PCDHA9: variants seen among roughly 807,000 people sequenced by gnomAD.
The protein encoded by PCDHA9 is protocadherin alpha-9.
Under a neutral mutation model 62.0 loss-of-function variants are expected in PCDHA9, and 62 were observed. The observed-to-expected ratio is 1.00, with a 90% CI of 0.81 to 1.23. The LOEUF (loss-of-function observed/expected upper bound fraction) is 1.23, where lower values mean the gene tolerates loss of function less well. Among genes scored for constraint, PCDHA9 ranks in the 50% most tolerant of loss-of-function variants. The pLI, the probability that PCDHA9 is intolerant of heterozygous loss-of-function variation, is 0.00. For missense variants in PCDHA9, 1,205 were observed against 1,249.8 expected (o/e 0.96, Z 0.54); for synonymous variants, 557 against 567.6 (o/e 0.98, Z 0.27).
intron 1 of PCDHA9, chr5:140,884,300 G>C (rs2060088357): frequency 6.2e-7 from 1 of 1,613,712 alleles, no homozygotes; most frequent in Non-Finnish European, 8.5e-7. Context: ...AGCGCCACAG[G>C]CTTCGTCGAG....
rs1192658029 is a variant in PCDHA9 at position 141,011,915 on chromosome 5, A to G, written c.*1978A>G. On this transcript the variant is annotated 3_prime_UTR_variant, in exon 4 of 4. Coordinates refer to ENST00000532602, the MANE Select transcript of PCDHA9 (RefSeq NM_031857.2). Reference sequence around the variant, plus strand: ...ATATTATCTATTTAGGCATTAATATAAAAGAGGTAGGAGTCTGTTATTTAA... The same window carrying G: ...ATATTATCTATTTAGGCATTAATATGAAAGAGGTAGGAGTCTGTTATTTAA... 1 of 153,728 alleles carries G rather than the reference A, an allele frequency of 6.5e-6. No homozygotes were observed. Among genetic ancestry groups the G allele is most frequent in the Admixed American group, 6.5e-5 (1 of 15,286 alleles). 9.5% of individuals were successfully genotyped at this position (153,728 alleles called of 1,614,324 possible). A position where few individuals can be genotyped will look rare whatever the true frequency, so the allele number is the denominator to read the frequency against.
intron 1 of PCDHA9, among the ~76,000 whole-genome samples, chr5:140,921,089 T>C (rs2080011859): frequency 6.6e-6 from 1 of 151,966 alleles, no homozygotes; most frequent in African/African-American, 2.4e-5. Context: ...AAGAGAATCC[T>C]CCTGCCTCAG....
intron 2 of PCDHA9, among the ~76,000 whole-genome samples, chr5:140,980,905 A>G (rs182283088): frequency 1.5e-4 from 23 of 152,274 alleles, no homozygotes; most frequent in Admixed American, 1.4e-3. Context: ...ACATCATGTA[A>G]CTATTCTTTA....
intron 3 of PCDHA9, 162 bp downstream of exon 3, chr5:140,982,725 A>G (rs2096999365): frequency 1.1e-6 from 1 of 902,882 alleles, no homozygotes; most frequent in African/African-American, 1.8e-5. Flanking sequence ...GATTATTTTG[A>G]TTTTATACCT....
chr5:140,942,990 C>T (rs1460211642), intron 1 of PCDHA9, among the ~76,000 whole-genome samples: 4 of 151,892 alleles, frequency 2.6e-5, no homozygotes, highest in Non-Finnish European at 5.9e-5. Context: ...GGTGTGGTGG[C>T]TCATGCCTGT....
chr5:140,916,322 C>T (rs2077526281), intron 1 of PCDHA9, among the ~76,000 whole-genome samples: 1 of 152,066 alleles, frequency 6.6e-6, no homozygotes, highest in Non-Finnish European at 1.5e-5. Context: ...GACAAAGTCC[C>T]CTTTACTTTT....
At chr5:140,877,925 T>C in intron 1 of PCDHA9, 1 of 1,421,700 alleles carries the variant, frequency 7.0e-7, no homozygotes, top group Non-Finnish European at 9.2e-7. Flanking sequence ...TTTTTCTTTA[T>C]GATTCTATCC....
At chr5:140,920,516 A>G (rs2079670610) in intron 1 of PCDHA9, among the ~76,000 whole-genome samples, 1 of 152,156 alleles carries the variant, frequency 6.6e-6, no homozygotes, top group African/African-American at 2.4e-5. Flanking sequence ...GTTTTATGCA[A>G]TTCGTTAGAC....
At chr5:140,925,505 C>T (rs528944783) in intron 1 of PCDHA9, among the ~76,000 whole-genome samples, 5 of 151,936 alleles carry the variant, frequency 3.3e-5, no homozygotes, top group African/African-American at 4.8e-5. Context: ...CCAATATCCA[C>T]GCAAAAGACC....
At position 140,869,840 on chromosome 5, in the gene PCDHA9, A is replaced by T. The variant is rs782569950; in HGVS notation, c.2394+18951A>T. 9 of 1,611,616 alleles carry T rather than the reference A, an allele frequency of 5.6e-6. No homozygotes were observed. The Admixed American group carries it at 1.5e-4, about 27-fold the overall frequency. On this transcript the variant is annotated intron_variant, in intron 1 of 3. Transcript: ENST00000532602. The stretch of plus-strand genomic sequence containing the variant: ...AATGATCCAGAGTTTGATAAATCAG[A>T]ATATAAGGTGAGCCTTATGGAAAAT...
At position 140,877,266 on chromosome 5, in the gene PCDHA9, C is replaced by A. The variant is rs2056980298; in HGVS notation, c.2394+26377C>A. The A allele has an allele frequency of 4.3e-6, 7 of 1,613,808 alleles. No individual in the cohort carries two copies. The South Asian group carries it at 5.5e-5, about 13-fold the overall frequency. ...TGGTGGCGAAAGTGCGCGCGGTGGA[C>A]GCTGACTCCGGCTATAACGCTTGGC... On this transcript the variant is annotated intron_variant, in intron 1 of 3. Transcript: ENST00000532602.
intron 1 of PCDHA9, among the ~76,000 whole-genome samples, chr5:140,899,694 T>G (rs961067519): frequency 2.0e-5 from 3 of 152,236 alleles, no homozygotes; most frequent in African/African-American, 4.8e-5. Flanking sequence ...GCTGGCCTCA[T>G]AAAATGAGTT....
chr5:140,855,868 A>C, intron 1 of PCDHA9: 1 of 837,366 alleles, frequency 1.2e-6, no homozygotes, highest in Non-Finnish European at 1.8e-6. Flanking sequence ...GCTGTCGTCC[A>C]CAAAATAGCT....
Position 140,869,318 on chromosome 5 carries a change from G to C in PCDHA9, c.2394+18429G>C, listed in dbSNP as rs1373742506. ...TTCCGGGTGGCGTCCAAAACACATG[G>C]GGACCTTCTGGAGGTAAATCTGCAG... On this transcript the variant is annotated intron_variant, in intron 1 of 3. Coordinates refer to ENST00000532602, the MANE Select transcript of PCDHA9 (RefSeq NM_031857.2). 3 of 1,613,688 alleles carry C rather than the reference G, an allele frequency of 1.9e-6. No individual in the cohort carries two copies. Among genetic ancestry groups the C allele is most frequent in the Non-Finnish European group, 2.5e-6 (3 of 1,180,020 alleles).
In PCDHA9 at chr5:140,850,590, TA is replaced by T; in HGVS notation, c.2096del (p.Tyr699SerfsTer2). The T allele has an allele frequency of 6.3e-7, 1 of 1,598,434 alleles. No individual in the cohort carries two copies. The highest frequency in any genetic ancestry group is 8.6e-7 in the Non-Finnish European group (1 of 1,167,846). Reference protein sequence around the residue: ...PEVTLVDVNVYLIIAICAVSS... With the variant: ...PEVTLVDVNVXLIIAICAVSS... ...GGTGACGCTGGTGGATGTCAACGTG[TA>T]CCTGATCATCGCCATCTGCGCGGTG... On this transcript the variant is annotated frameshift_variant, in exon 1 of 4. Coordinates refer to ENST00000532602, the MANE Select transcript of PCDHA9 (RefSeq NM_031857.2). LOFTEE classifies it high-confidence loss of function.
At chr5:140,953,127 G>T (rs909395659) in intron 1 of PCDHA9, among the ~76,000 whole-genome samples, 8 of 152,178 alleles carry the variant, frequency 5.3e-5, no homozygotes, top group African/African-American at 1.4e-4. Flanking sequence ...GATCTAAACC[G>T]TATCACTGTT....
chr5:140,986,247 G>A (rs758689038), intron 3 of PCDHA9, among the ~76,000 whole-genome samples: 1 of 152,012 alleles, frequency 6.6e-6, no homozygotes, highest in Non-Finnish European at 1.5e-5. Context: ...GAGCAGACCC[G>A]GACCACAGGC....
chr5:140,992,258 A>G (rs1316409303), intron 3 of PCDHA9, among the ~76,000 whole-genome samples: 1 of 152,168 alleles, frequency 6.6e-6, no homozygotes, highest in African/African-American at 2.4e-5. Flanking sequence ...GCTAAAGATG[A>G]AAGTTCTTTT....
intron 1 of PCDHA9, among the ~76,000 whole-genome samples, chr5:140,878,601 T>A (rs1409343825): frequency 6.6e-6 from 1 of 152,224 alleles, no homozygotes; most frequent in African/African-American, 2.4e-5. Flanking sequence ...ACCAAGTGAA[T>A]CTTCTAATGT....
Sources: gnomAD v4.1 joint callset for allele counts (sites outside exome capture counted in the v4.1 genomes callset) on GRCh38, gnomAD v4.1.1 for gene constraint, MANE v1.5 for transcripts, NCBI Gene and HGNC (gene_info 2026-07-23, HGNC 2026-07-21) for gene names.